MRGPRF: variants seen among roughly 807,000 people sequenced by gnomAD.
MRGPRF encodes mas-related G protein-coupled receptor member F.
A neutral mutation model predicts 3.3 loss-of-function variants in MRGPRF; 2 were observed. The observed-to-expected ratio is 0.61, with a 90% CI of 0.25 to 1.92. MRGPRF has a LOEUF of 1.92. Among genes scored for constraint, MRGPRF ranks in the 40% most tolerant of loss-of-function variants. The probability of loss-of-function intolerance (pLI) is 0.16; values close to 1 mark genes in which losing one functional copy is unlikely to be tolerated. For synonymous variants in MRGPRF, 242 were observed against 222.7 expected (o/e 1.09, Z -0.77); for missense variants, 500 against 476.0 (o/e 1.05, Z -0.47).
chr11:69,010,029 G>A, intron 1 of MRGPRF, 72 bp from the exon 2 acceptor site: 1 of 951,676 alleles, frequency 1.1e-6, no homozygotes, highest in Non-Finnish European at 1.5e-6. Flanking sequence ...CCCGTGCCTA[G>A]GCCCCCAAGG....
At chr11:69,006,570 G>A (rs868669843) in intron 2 of MRGPRF, among the ~76,000 whole-genome samples, 30 of 150,900 alleles carry the variant, frequency 2.0e-4, no homozygotes, top group South Asian at 4.2e-4. Context: ...GGTCAGAGTA[G>A]ACTGTCCAAA....
Position 69,006,142 on chromosome 11 carries a change from C to T in MRGPRF, c.168G>A (p.Leu56=), listed in dbSNP as rs779485318. The T allele has an allele frequency of 6.8e-6, 11 of 1,613,996 alleles. No individual in the cohort carries two copies. The highest frequency in any genetic ancestry group is 1.7e-5 in the Admixed American group (1 of 60,006). Residue 56 remains leucine, a synonymous_variant, in exon 3 of 3, where the codon CTG becomes CTA. Coordinates refer to ENST00000309099, the MANE Select transcript of MRGPRF (RefSeq NM_145015.5). Reference sequence around the variant, plus strand: ...CCAGCCCGTTGCCCACCAGGCCACACAGGCAGAGGAGCAGGAAGATGTAGT... The same window carrying T: ...CCAGCCCGTTGCCCACCAGGCCACATAGGCAGAGGAGCAGGAAGATGTAGT... The part of the protein sequence containing the change: ...VMNYIFLLLC[L]CGLVGNGLVL...
Position 69,005,614 on chromosome 11 carries a change from C to T in MRGPRF, c.696G>A (p.Gln232=). The stretch of plus-strand genomic sequence containing the variant: ...TGACGTGGTTGAGCTTGGCAGAGCG[C>T]TGGCGCCGTCGGGCCCGGCACTCCA... The part of the protein sequence containing the change: ...LHVECRARRR[Q]RSAKLNHVIL... The change falls in exon 3 of 3, where the codon CAG becomes CAA. Residue 232 remains glutamine (Q), a synonymous_variant. Coordinates refer to ENST00000309099, the MANE Select transcript of MRGPRF (RefSeq NM_145015.5). 1 of 1,564,414 alleles carries T rather than the reference C, an allele frequency of 6.4e-7. No homozygotes were observed. The highest frequency in any genetic ancestry group is 8.7e-7 in the Non-Finnish European group (1 of 1,155,048).
intron 1 of MRGPRF, among the ~76,000 whole-genome samples, chr11:69,012,769 G>A (rs114120075): frequency 0.015 from 2,299 of 152,274 alleles, 48 homozygotes; most frequent in African/African-American, 0.05. Flanking sequence ...GGAGCTGGAC[G>A]GTGGGGCTGG....
chr11:69,006,302 C>A (rs751971341), intron 2 of MRGPRF, 41 bp from the exon 3 acceptor site: 1 of 1,544,872 alleles, frequency 6.5e-7, no homozygotes, highest in Admixed American at 1.8e-5. Flanking sequence ...TGCCGGCTGG[C>A]CCCCACCCAC....
chr11:69,005,118 G>A lies in MRGPRF; in HGVS notation c.*160C>T. 7 of 935,306 alleles carry A rather than the reference G, an allele frequency of 7.5e-6. No homozygotes were observed. The highest frequency in any genetic ancestry group is 1.1e-5 in the Non-Finnish European group (7 of 656,812). The allele number at this position is 935,306 out of a possible 1,614,324, so 57.9% of individuals were successfully genotyped here. ...TTGCTGGTGGCTGCCCAGTCTCCCA[G>A]CCACCCCTGGAGTCCCCAGCCCAGG... On this transcript the variant is annotated 3_prime_UTR_variant, in exon 3 of 3. Transcript: ENST00000309099.
intron 1 of MRGPRF, among the ~76,000 whole-genome samples, chr11:69,012,734 C>A (rs1387136901): frequency 6.6e-6 from 1 of 152,124 alleles, no homozygotes; most frequent in Admixed American, 6.5e-5. Context: ...CGAGAGGGAG[C>A]CCTCACCCCC....
chr11:69,006,350 G>T (rs1356755962), intron 2 of MRGPRF, 89 bp from the exon 3 acceptor site: 2 of 1,372,106 alleles, frequency 1.5e-6, no homozygotes, highest in African/African-American at 1.4e-5. Flanking sequence ...GGAGGGGGGG[G>T]GTCCCAATTA....
rs1053612226 is a variant in MRGPRF, at chr11:69,006,265, C to A, written c.49-4G>T. 6.2e-7 allele frequency: 1 copy of A among 1,600,518 alleles called. No individual in the cohort carries two copies. The highest frequency in any genetic ancestry group is 2.2e-5 in the East Asian group (1 of 44,578). On this transcript the variant is annotated splice_region_variant and splice_polypyrimidine_tract_variant and intron_variant, in intron 2 of 2. Coordinates refer to ENST00000309099, the MANE Select transcript of MRGPRF (RefSeq NM_145015.5). ...CCTCGCTCAGGCCAGGGCACATCTGCGCAGGTGCAGAGAGGGACACCTGTG... is the reference window on the plus strand; with the variant it reads ...CCTCGCTCAGGCCAGGGCACATCTGAGCAGGTGCAGAGAGGGACACCTGTG...
At position 69,009,969 on chromosome 11, in the gene MRGPRF, C is replaced by A; in HGVS notation, c.-56-12G>T. 3 of 1,539,268 alleles carry A rather than the reference C, an allele frequency of 1.9e-6. No homozygotes were observed. In the South Asian group the frequency reaches 3.6e-5, roughly 19 times the overall value. ...GTCTGCACACCCACCTGGCAGAAGC[C>A]CAGAGAGAGGGTGGATGAGGACAGC... On this transcript the variant is annotated splice_polypyrimidine_tract_variant and intron_variant, in intron 1 of 2. Coordinates refer to ENST00000309099, the MANE Select transcript of MRGPRF (RefSeq NM_145015.5).
intron 2 of MRGPRF, among the ~76,000 whole-genome samples, chr11:69,006,553 G>A (rs1195077105): frequency 2.6e-5 from 4 of 151,524 alleles, no homozygotes; most frequent in African/African-American, 7.3e-5. Flanking sequence ...GTGCCAGGCT[G>A]CCCACCGGTC....
At chr11:69,006,866 C>T (rs918398531) in intron 2 of MRGPRF, among the ~76,000 whole-genome samples, 2 of 152,138 alleles carry the variant, frequency 1.3e-5, no homozygotes. Flanking sequence ...TCAAGTGATC[C>T]ACCTGCCTCC....
chr11:69,006,390 G>A (rs1860492117), intron 2 of MRGPRF, 129 bp from the exon 3 acceptor site: 3 of 1,170,152 alleles, frequency 2.6e-6, no homozygotes, highest in Non-Finnish European at 3.5e-6. Context: ...GGGTCTGTAA[G>A]GCAGTGGCTG....
At position 69,005,710 on chromosome 11, in the gene MRGPRF, G is replaced by A. The variant is rs997326662; in HGVS notation, c.600C>T (p.Phe200=). 1 of 1,550,754 alleles carries A rather than the reference G, an allele frequency of 6.4e-7. No individual in the cohort carries two copies. Residue 200 remains phenylalanine, a synonymous_variant, in exon 3 of 3, where the codon TTC becomes TTT. Transcript: ENST00000309099. The part of the protein sequence containing the change: ...PGAACRHMDI[F]LGILLFLLCC... Reference sequence around the variant, plus strand: ...AGAGCAGGAACAGGAGGATGCCCAGGAAGATGTCCATGTGCCTGCAGGCCG... The same window carrying A: ...AGAGCAGGAACAGGAGGATGCCCAGAAAGATGTCCATGTGCCTGCAGGCCG...
Position 69,005,272 on chromosome 11 carries a change from G to T in MRGPRF, c.*6C>A, listed in dbSNP as rs751768874. 26 of 1,478,990 alleles carry T rather than the reference G, an allele frequency of 1.8e-5. No homozygotes were observed. Among genetic ancestry groups the T allele is most frequent in the Non-Finnish European group, 2.3e-5 (26 of 1,120,452 alleles). The allele number at this position is 1,478,990 out of a possible 1,614,324, so 91.6% of individuals were successfully genotyped here. Reference sequence around the variant, plus strand: ...CCTGCCCCTGCCTCCTCCAGGCGCTGGAGTCTCAGGAGGCGTTCCCCGGGG... The same window carrying T: ...CCTGCCCCTGCCTCCTCCAGGCGCTTGAGTCTCAGGAGGCGTTCCCCGGGG... On this transcript the variant is annotated 3_prime_UTR_variant, in exon 3 of 3. Transcript: ENST00000309099.
chr11:69,011,382 C>T (rs1449500472), intron 1 of MRGPRF, among the ~76,000 whole-genome samples: 1 of 152,216 alleles, frequency 6.6e-6, no homozygotes, highest in Non-Finnish European at 1.5e-5. Flanking sequence ...CTTCAAAGGG[C>T]GTTTGTGAGC....
At position 69,005,978 on chromosome 11, in the gene MRGPRF, A is replaced by G. The variant is rs1450843275; in HGVS notation, c.332T>C (p.Phe111Ser). Residue 111 changes from phenylalanine to serine, a missense_variant, in exon 3 of 3, where the codon TTT (phenylalanine) becomes TCT (serine). Phe to Ser is a radical substitution (Grantham distance 155, BLOSUM62 -2). Transcript: ENST00000309099. ...GCACACGCTGCGGATGTAGTCGGCA[A>G]ACGTGCCCAGGAAGCCCCCCGTGTT... ...ILNTGGFLGT[F>S]ADYIRSVCRV... 3.2e-6 allele frequency: 5 copies of G among 1,565,648 alleles called. No individual in the cohort carries two copies. The highest frequency in any genetic ancestry group is 4.3e-6 in the Non-Finnish European group (5 of 1,155,170).
intron 2 of MRGPRF, 35 bp from the exon 3 acceptor site, chr11:69,006,296 G>A (rs765459439): frequency 1.2e-5 from 19 of 1,560,672 alleles, no homozygotes; most frequent in South Asian, 2.4e-5. Context: ...CTGTGATGCC[G>A]GCTGGCCCCC....
At chr11:69,008,463 G>T (rs1356552968) in intron 2 of MRGPRF, among the ~76,000 whole-genome samples, 1 of 152,226 alleles carries the variant, frequency 6.6e-6, no homozygotes, top group African/African-American at 2.4e-5. Context: ...TGGGTCCTGA[G>T]AGACTGTTCT....
Sources: allele counts gnomAD v4.1 joint callset (sites outside exome capture counted in the v4.1 genomes callset), GRCh38; gene constraint gnomAD v4.1.1; transcripts MANE v1.5; gene names NCBI Gene and HGNC (gene_info 2026-07-23, HGNC 2026-07-21).